The following ABI3BP variants were observed in gnomAD, a reference collection of about 807,000 sequenced individuals.
ABI3BP encodes the protein ABI family member 3 binding protein, also known as target of Nesh-SH3.
In ABI3BP, 216 loss-of-function variants were observed where a neutral mutation model predicts 268.6. That is an observed-to-expected ratio of 0.80 (90% CI 0.72 to 0.90). The LOEUF is 0.90. Among genes scored for constraint, ABI3BP ranks in the 40% least tolerant of loss-of-function variants. The pLI is 0.00. For synonymous variants in ABI3BP, 730 were observed against 730.0 expected (o/e 1.00, Z 0.00); for missense variants, 2,090 against 2,182.4 (o/e 0.96, Z 0.84).
chr3:100,911,533 G>T, intron 2 of ABI3BP: 1 of 541,752 alleles, frequency 1.8e-6, no homozygotes, highest in South Asian at 2.1e-5. Flanking sequence ...CTCTTGTAAT[G>T]AAGCATTACA....
At chr3:100,752,709 G>A in intron 66 of ABI3BP, 78 bp downstream of exon 66, 4 of 1,505,940 alleles carry the variant, frequency 2.7e-6, no homozygotes, top group Non-Finnish European at 3.6e-6. Flanking sequence ...AAACTCTTAA[G>A]AAAAGGCCAA....
rs1296855502 is a variant in ABI3BP at position 100,824,908 on chromosome 3, C to G, written c.2696G>C (p.Arg899Pro). 1.3e-6 allele frequency: 2 copies of G among 1,535,776 alleles called. No homozygotes were observed. Among genetic ancestry groups the G allele is most frequent in the African/African-American group, 1.4e-5 (1 of 72,954 alleles). The change falls in exon 36 of 68, where the codon CGT becomes CCT. Residue 899 changes from arginine (R) to proline (P), a missense_variant. Arg to Pro is a moderately radical substitution (Grantham distance 103). Coordinates refer to ENST00000471714, the MANE Select transcript of ABI3BP (RefSeq NM_001375547.2). ...TKTSKRTRPP[R>P]PRPKTTPSPQ... ...GCTCGGTGTAGTTTTAGGTCTGGGACGTGGAGGGCGGGTTCTTTTTGATGT... is the reference window on the plus strand; with the variant it reads ...GCTCGGTGTAGTTTTAGGTCTGGGAGGTGGAGGGCGGGTTCTTTTTGATGT...
At chr3:100,801,804 T>C (rs368440833) in intron 51 of ABI3BP, among the ~76,000 whole-genome samples, 2 of 152,194 alleles carry the variant, frequency 1.3e-5, no homozygotes, top group East Asian at 3.9e-4. Context: ...AGAATTGTAA[T>C]GATAACAGTA....
At chr3:100,972,538 T>A (rs2084102764) in intron 1 of ABI3BP, among the ~76,000 whole-genome samples, 1 of 152,222 alleles carries the variant, frequency 6.6e-6, no homozygotes, top group Non-Finnish European at 1.5e-5. Context: ...TTAATGCACA[T>A]TTTTAAAAGT....
chr3:100,767,998 G>A (rs1266177045), intron 62 of ABI3BP, among the ~76,000 whole-genome samples: 2 of 151,332 alleles, frequency 1.3e-5, no homozygotes, highest in Non-Finnish European at 2.9e-5. Flanking sequence ...TTCCTCAACT[G>A]TATGACATTC....
At chr3:100,772,353 CTTA>C (rs1456031995) in intron 61 of ABI3BP, among the ~76,000 whole-genome samples, 6 of 152,228 alleles carry the variant, frequency 3.9e-5, no homozygotes, top group African/African-American at 1.4e-4. Context: ...CAATGTTTTT[CTTA>C]TTATTTATCT....
At chr3:100,991,307 C>A (rs1436153353) in intron 1 of ABI3BP, among the ~76,000 whole-genome samples, 2 of 152,134 alleles carry the variant, frequency 1.3e-5, no homozygotes, top group Admixed American at 1.3e-4. Flanking sequence ...CTTTTTTCTT[C>A]TTTTTTAACT....
At chr3:100,859,596 A>G (rs1229830479) in intron 14 of ABI3BP, among the ~76,000 whole-genome samples, 1 of 132,288 alleles carries the variant, frequency 7.6e-6, no homozygotes, top group East Asian at 1.9e-4. Context: ...TTTGCACAAA[A>G]TCAAAACAAA....
intron 36 of ABI3BP, among the ~76,000 whole-genome samples, chr3:100,823,887 G>A (rs981712759): frequency 1.3e-5 from 2 of 152,070 alleles, no homozygotes; most frequent in Admixed American, 6.5e-5. Flanking sequence ...GAATATTAGC[G>A]CTTATTACAT....
At position 100,811,744 on chromosome 3, in the gene ABI3BP, CTCTGGCCAGAGTG is replaced by C; in HGVS notation, c.3464_3476del (p.Pro1155ArgfsTer22). On this transcript the variant is annotated frameshift_variant, in exon 47 of 68. Transcript: ENST00000471714. LOFTEE classifies it high-confidence loss of function. ...CTTTGCTACCTTCAGTCTTTGGCTC[CTCTGGCCAGAGTG>C]GTGCTTTGGCAGTGGGATATACATA... The C allele has an allele frequency of 6.5e-7, 1 of 1,535,446 alleles. No individual in the cohort carries two copies. Among genetic ancestry groups the C allele is most frequent in the South Asian group, 1.2e-5 (1 of 84,036 alleles).
chr3:100,787,788 T>C lies in ABI3BP; in HGVS notation c.4102A>G (p.Thr1368Ala), dbSNP rs2097094286. 1.3e-6 allele frequency: 2 copies of C among 1,529,210 alleles called. No individual in the cohort carries two copies. The highest frequency in any genetic ancestry group is 1.4e-5 in the African/African-American group (1 of 72,778). 94.7% of individuals were successfully genotyped at this position (1,529,210 alleles called of 1,614,324 possible). ...GGTTTGGGCCTAGTAGGTCTTGTAG[T>C]TGTCCTATTCAGAACTAAAATAAAG... ...PHIRPVLNRT[T>A]TRPTRPKPSG... Residue 1368 changes from threonine to alanine, a missense_variant, in exon 57 of 68, where the codon ACT (threonine) becomes GCT (alanine). By Grantham distance (58) the Thr-to-Ala change is moderately conservative (BLOSUM62 0). Transcript: ENST00000471714.
chr3:100,983,451 A>G (rs1329384030), intron 1 of ABI3BP, among the ~76,000 whole-genome samples: 1 of 152,224 alleles, frequency 6.6e-6, no homozygotes, highest in Non-Finnish European at 1.5e-5. Flanking sequence ...TATATTTTGC[A>G]CTGAAATCAT....
intron 2 of ABI3BP, among the ~76,000 whole-genome samples, chr3:100,913,439 T>C (rs149814735): frequency 5.4e-4 from 82 of 152,264 alleles, no homozygotes; most frequent in African/African-American, 1.9e-3. Context: ...CTGGACCAAC[T>C]CAAGAACATC....
intron 59 of ABI3BP, 135 bp from the exon 60 acceptor site, chr3:100,775,470 CA>C: frequency 8.6e-7 from 1 of 1,158,892 alleles, no homozygotes; most frequent in Non-Finnish European, 1.2e-6. Context: ...GGAGAGAAAA[CA>C]AGACCTGATT....
chr3:100,946,026 TA>T (rs1355519541), intron 1 of ABI3BP, among the ~76,000 whole-genome samples: 3 of 152,158 alleles, frequency 2.0e-5, no homozygotes, highest in Non-Finnish European at 4.4e-5. Context: ...ATACGTTAGA[TA>T]ATAAAATTAA....
intron 55 of ABI3BP, among the ~76,000 whole-genome samples, chr3:100,789,962 G>A (rs79091820): frequency 1.3e-5 from 2 of 151,884 alleles, no homozygotes; most frequent in South Asian, 2.1e-4. Flanking sequence ...TGAATGTTTA[G>A]GTAGGTAAAG....
intron 1 of ABI3BP, among the ~76,000 whole-genome samples, chr3:100,930,245 C>T (rs914888486): frequency 6.6e-6 from 1 of 151,878 alleles, no homozygotes; most frequent in East Asian, 1.9e-4. Flanking sequence ...AAAAATAAGA[C>T]TACTGGAAGA....
chr3:100,837,893 G>T (rs1298776204), intron 26 of ABI3BP, among the ~76,000 whole-genome samples: 1 of 152,160 alleles, frequency 6.6e-6, no homozygotes, highest in African/African-American at 2.4e-5. Context: ...ACTAACAGTG[G>T]TTACTAAAAT....
chr3:100,837,289 A>C, intron 26 of ABI3BP, 118 bp from the exon 27 acceptor site: 1 of 715,124 alleles, frequency 1.4e-6, no homozygotes, highest in Middle Eastern at 2.9e-4. Flanking sequence ...AATTAATATA[A>C]ATTGCCTTCT....
Sources: allele counts gnomAD v4.1 joint callset (sites outside exome capture counted in the v4.1 genomes callset), GRCh38; gene constraint gnomAD v4.1.1; transcripts MANE v1.5; gene names NCBI Gene and HGNC (gene_info 2026-07-23, HGNC 2026-07-21).